The following SERPINI1 variants were observed in gnomAD, a reference collection of about 807,000 sequenced individuals.
The protein encoded by SERPINI1 is serpin family I member 1.
In SERPINI1, 19 loss-of-function variants were observed where a neutral mutation model predicts 41.1. The ratio of observed to expected loss-of-function variants is 0.46; its 90% CI spans 0.32 to 0.68. The LOEUF is 0.68. Among genes scored for constraint, SERPINI1 ranks in the 30% least tolerant of loss-of-function variants. The pLI, the probability that SERPINI1 is intolerant of heterozygous loss-of-function variation, is 0.03. For missense variants in SERPINI1, 460 were observed against 479.2 expected (o/e 0.96, Z 0.37); for synonymous variants, 138 against 156.6 (o/e 0.88, Z 0.89).
At chr3:167,778,901 G>A (rs1328277444) in intron 1 of SERPINI1, among the ~76,000 whole-genome samples, 1 of 152,234 alleles carries the variant, frequency 6.6e-6, no homozygotes, top group Non-Finnish European at 1.5e-5. Context: ...GAATGAGCAA[G>A]GACAGATAGT....
chr3:167,792,819 G>A, intron 4 of SERPINI1, 35 bp downstream of exon 4: 2 of 1,507,644 alleles, frequency 1.3e-6, no homozygotes, highest in South Asian at 2.3e-5. Context: ...CTCTCTTCTT[G>A]CAGAATATCA....
At chr3:167,766,261 T>C (rs1006928634) in intron 1 of SERPINI1, among the ~76,000 whole-genome samples, 2 of 148,862 alleles carry the variant, frequency 1.3e-5, no homozygotes, top group East Asian at 2.0e-4. Context: ...GGACTTCCAG[T>C]CCCACATGAC....
chr3:167,771,857 G>A (rs1308033358), intron 1 of SERPINI1, among the ~76,000 whole-genome samples: 6 of 152,144 alleles, frequency 3.9e-5, no homozygotes, highest in African/African-American at 1.4e-4. Flanking sequence ...GCGCGCACGC[G>A]CACGCACATG....
intron 1 of SERPINI1, among the ~76,000 whole-genome samples, chr3:167,752,581 T>C (rs1375191699): frequency 2.6e-5 from 4 of 152,068 alleles, no homozygotes; most frequent in Non-Finnish European, 4.4e-5. Context: ...CTCACCTGGA[T>C]TGTTACAATA....
At chr3:167,796,836 G>T in intron 5 of SERPINI1, among the ~76,000 whole-genome samples, 1 of 152,104 alleles carries the variant, frequency 6.6e-6, no homozygotes, top group East Asian at 1.9e-4. Context: ...ATGTGTGCAT[G>T]TATCTTTATA....
At chr3:167,772,891 TATACAC>T (rs1427748217) in intron 1 of SERPINI1, among the ~76,000 whole-genome samples, 1 of 73,690 alleles carries the variant, frequency 1.4e-5, no homozygotes, top group Non-Finnish European at 2.4e-5. Flanking sequence ...TATATATATA[TATACAC>T]ACACACACAC....
intron 1 of SERPINI1, among the ~76,000 whole-genome samples, chr3:167,765,001 ACT>A (rs1460910149): frequency 6.6e-6 from 1 of 152,162 alleles, no homozygotes; most frequent in Non-Finnish European, 1.5e-5. Flanking sequence ...CACCCCTGTG[ACT>A]TTGCAGGGTA....
chr3:167,788,991 G>C (rs897082407), intron 1 of SERPINI1, 120 bp from the exon 2 acceptor site: 15 of 914,114 alleles, frequency 1.6e-5, no homozygotes, highest in African/African-American at 3.3e-5. Context: ...ACTTAGCAGT[G>C]TTATTTGTTC....
intron 6 of SERPINI1, among the ~76,000 whole-genome samples, chr3:167,807,572 C>T (rs1309709263): frequency 1.3e-5 from 2 of 152,106 alleles, no homozygotes; most frequent in Admixed American, 1.3e-4. Context: ...AGATTATATT[C>T]TCCGGAAGAC....
intron 6 of SERPINI1, among the ~76,000 whole-genome samples, chr3:167,810,845 A>G (rs1327919637): frequency 6.6e-6 from 1 of 152,190 alleles, no homozygotes; most frequent in Non-Finnish European, 1.5e-5. Flanking sequence ...TGCTTTATCA[A>G]CTAAGTTTCT....
At chr3:167,813,335 T>G (rs1001115112) in intron 6 of SERPINI1, among the ~76,000 whole-genome samples, 1 of 152,212 alleles carries the variant, frequency 6.6e-6, no homozygotes, top group African/African-American at 2.4e-5. Context: ...CAAAGCATTG[T>G]GTCCCATTAC....
intron 6 of SERPINI1, among the ~76,000 whole-genome samples, chr3:167,815,352 T>C (rs1292319507): frequency 6.6e-6 from 1 of 152,206 alleles, no homozygotes; most frequent in Non-Finnish European, 1.5e-5. Context: ...TTTTTTCCCC[T>C]TAGTACCTGT....
chr3:167,752,527 C>G lies in SERPINI1; in HGVS notation c.-19+16704C>G, dbSNP rs957616310. Among the ~76,000 whole-genome samples, 6 of 152,080 alleles carry G rather than the reference C, an allele frequency of 3.9e-5. 1 individual carries two copies. The highest frequency in any genetic ancestry group is 3.9e-4 in the Admixed American group (6 of 15,256). ...ATAAGTCTATCCATAATCTAACTAT[C>G]CCTTTTCTATCTTCATTGCAACCCC... is the stretch of plus-strand genomic sequence containing the variant. On this transcript the variant is annotated intron_variant, in intron 1 of 8. Transcript: ENST00000446050.
intron 6 of SERPINI1, among the ~76,000 whole-genome samples, chr3:167,813,632 T>C (rs1711968266): frequency 6.6e-6 from 1 of 152,222 alleles, no homozygotes; most frequent in Admixed American, 6.5e-5. Context: ...GGTTTACTTT[T>C]CCTTATGTGG....
At chr3:167,792,503 T>C (rs1442142500) in intron 3 of SERPINI1, 87 bp from the exon 4 acceptor site, 2 of 1,080,744 alleles carry the variant, frequency 1.9e-6, no homozygotes, top group African/African-American at 3.2e-5. Flanking sequence ...TGGACCACTC[T>C]ATCAGATGGT....
At chr3:167,741,790 T>C (rs1045525891) in intron 1 of SERPINI1, among the ~76,000 whole-genome samples, 5 of 152,250 alleles carry the variant, frequency 3.3e-5, no homozygotes, top group African/African-American at 1.2e-4. Context: ...GTTAAATCCC[T>C]TATTCAATGT....
intron 1 of SERPINI1, among the ~76,000 whole-genome samples, chr3:167,736,595 G>A (rs775128929): frequency 7.9e-5 from 12 of 152,176 alleles, no homozygotes; most frequent in Non-Finnish European, 1.0e-4. Context: ...GGAAAGCTGT[G>A]TGGGAATCTT....
chr3:167,757,236 A>G (rs1429683602), intron 1 of SERPINI1, among the ~76,000 whole-genome samples: 1 of 152,194 alleles, frequency 6.6e-6, no homozygotes, highest in Non-Finnish European at 1.5e-5. Context: ...ACCTCACACT[A>G]AACTGCAAGG....
chr3:167,789,315 G>A lies in SERPINI1; in HGVS notation c.187G>A (p.Gly63Arg), dbSNP rs201722989. 6.2e-7 allele frequency: 1 copy of A among 1,614,140 alleles called. No individual in the cohort carries two copies. The highest frequency in any genetic ancestry group is 1.3e-5 in the African/African-American group (1 of 75,050). Residue 63 changes from glycine (G) to arginine (R), a missense_variant, in exon 2 of 9, where the codon GGG becomes AGG. Transcript: ENST00000446050. ...IALAMGMMEL[G>R]AQGSTQKEIR... ...TCTTGCAATGGGAATGATGGAACTT[G>A]GGGCCCAAGGATCTACCCAGAAAGA...
Sources: gnomAD v4.1 joint callset for allele counts (sites outside exome capture counted in the v4.1 genomes callset) on GRCh38, gnomAD v4.1.1 for gene constraint, MANE v1.5 for transcripts, NCBI Gene and HGNC (gene_info 2026-07-23, HGNC 2026-07-21) for gene names.